NRG1: variants seen among roughly 807,000 people sequenced by gnomAD.
The protein encoded by NRG1 is pro-neuregulin-1, membrane-bound isoform.
A neutral mutation model predicts 63.8 loss-of-function variants in NRG1; 18 were observed. The observed-to-expected ratio is 0.28, with a 90% CI of 0.19 to 0.42. NRG1 has a LOEUF of 0.42. Among genes scored for constraint, NRG1 ranks in the 10% least tolerant of loss-of-function variants. The probability of loss-of-function intolerance (pLI) is 1.00; values close to 1 mark genes in which losing one functional copy is unlikely to be tolerated. For missense variants in NRG1, 762 were observed against 814.7 expected, an observed-to-expected ratio of 0.94 and a Z score of 0.79; for synonymous variants, 302 against 301.3, an observed-to-expected ratio of 1.00 and a Z score of -0.02.
intron 11 of NRG1, 92 bp from the exon 12 acceptor site, chr8:32,763,656 T>G: frequency 1.9e-5 from 24 of 1,277,414 alleles, no homozygotes; most frequent in Non-Finnish European, 2.5e-5. Flanking sequence ...TGTTCTCTGA[T>G]GATATAATAC....
chr8:31,754,627 A>T (rs931518682), intron 1 of NRG1, among the ~76,000 whole-genome samples: 1 of 151,998 alleles, frequency 6.6e-6, no homozygotes, highest in African/African-American at 2.4e-5. Flanking sequence ...GATGCTGCTG[A>T]TGTTTGGATA....
At chr8:32,469,948 C>A (rs1823576520) in intron 1 of NRG1, among the ~76,000 whole-genome samples, 1 of 152,044 alleles carries the variant, frequency 6.6e-6, no homozygotes, top group Non-Finnish European at 1.5e-5. Context: ...AGCTCCGTCT[C>A]CCTGGTTCAA....
At chr8:32,194,774 G>T (rs993898250) in intron 1 of NRG1, among the ~76,000 whole-genome samples, 1 of 152,084 alleles carries the variant, frequency 6.6e-6, no homozygotes, top group African/African-American at 2.4e-5. Flanking sequence ...ATTTTAAAAA[G>T]AAGTCTTTCC....
At chr8:31,899,116 T>G (rs1467997761) in intron 1 of NRG1, among the ~76,000 whole-genome samples, 1 of 151,998 alleles carries the variant, frequency 6.6e-6, no homozygotes, top group Non-Finnish European at 1.5e-5. Context: ...TTCCTTTTTT[T>G]TTTTTGAGGC....
At chr8:31,794,709 T>C (rs1366019363) in intron 1 of NRG1, among the ~76,000 whole-genome samples, 1 of 152,050 alleles carries the variant, frequency 6.6e-6, no homozygotes, top group African/African-American at 2.4e-5. Context: ...GGTTGTGTCA[T>C]TTATGTAAAT....
intron 1 of NRG1, among the ~76,000 whole-genome samples, chr8:31,769,253 A>G (rs1310810623): frequency 6.6e-6 from 1 of 152,140 alleles, no homozygotes; most frequent in Non-Finnish European, 1.5e-5. Context: ...TTCTTTTAGT[A>G]TCTTTGACCT....
chr8:31,927,439 C>CTT lies in NRG1; in HGVS notation c.37+288034_37+288035dup, dbSNP rs71539998. On this transcript the variant is annotated intron_variant, in intron 1 of 10. Coordinates refer to the NRG1 transcript ENST00000519301. ...CTGTACAATGAAACAGAGAAAACTA[C>CTT]TTTTTTTTTTTTTTTTTTTTTTTTT... Among the ~76,000 whole-genome samples the CTT allele has an allele frequency of 3.9e-3, 264 of 68,076 alleles. 26 individuals are homozygous for CTT. Among genetic ancestry groups the CTT allele is most frequent in the African/African-American group, 0.015 (250 of 17,222 alleles). The allele number at this position is 68,076 out of a possible 152,430, so 44.7% of individuals were successfully genotyped here. A position where few individuals can be genotyped will look rare whatever the true frequency, so the allele number is the denominator to read the frequency against.
rs942031419 is a variant in NRG1 at position 31,893,612 on chromosome 8, A to G, written c.37+254181A>G. Among the ~76,000 whole-genome samples the G allele has an allele frequency of 2.6e-5, 4 of 151,938 alleles. No homozygotes were observed. In the East Asian group the frequency reaches 5.8e-4, roughly 22 times the overall value. Reference sequence around the variant, plus strand: ...AGAGAAAACAAGACAAAAGCCATATATGTAGATAATTCATCAAATGGAAAA... The same window carrying G: ...AGAGAAAACAAGACAAAAGCCATATGTGTAGATAATTCATCAAATGGAAAA... On this transcript the variant is annotated intron_variant, in intron 1 of 10. Transcript: ENST00000519301.
chr8:32,053,990 A>G (rs1438045018), intron 1 of NRG1, among the ~76,000 whole-genome samples: 2 of 152,220 alleles, frequency 1.3e-5, no homozygotes, highest in Admixed American at 1.3e-4. Flanking sequence ...AAATAAATGA[A>G]TGAAAAAATA....
At chr8:32,714,871 G>A (rs1277926007) in intron 5 of NRG1, among the ~76,000 whole-genome samples, 1 of 152,192 alleles carries the variant, frequency 6.6e-6, no homozygotes, top group African/African-American at 2.4e-5. Context: ...AGCTCCCCAA[G>A]CATGAGCTTC....
chr8:31,852,126 T>C (rs1827300511), intron 1 of NRG1, among the ~76,000 whole-genome samples: 2 of 152,070 alleles, frequency 1.3e-5, no homozygotes, highest in African/African-American at 4.8e-5. Flanking sequence ...ATATACCCAG[T>C]AATGGGATGG....
chr8:32,315,548 C>T (rs916701540), intron 1 of NRG1, among the ~76,000 whole-genome samples: 3 of 152,214 alleles, frequency 2.0e-5, no homozygotes, highest in African/African-American at 7.2e-5. Context: ...TATGCACACT[C>T]ACCGAACTTT....
intron 1 of NRG1, among the ~76,000 whole-genome samples, chr8:31,766,236 A>G (rs1818041896): frequency 1.3e-5 from 2 of 152,140 alleles, no homozygotes; most frequent in Admixed American, 6.5e-5. Context: ...ATAACTTAGT[A>G]TTTACATGGG....
chr8:31,921,682 T>A (rs1166718696), intron 1 of NRG1, among the ~76,000 whole-genome samples: 5 of 152,176 alleles, frequency 3.3e-5, no homozygotes, highest in Non-Finnish European at 5.9e-5. Context: ...GACTTGGTCA[T>A]TAGTTCATTT....
chr8:31,725,223 G>A (rs1813306760), intron 1 of NRG1, among the ~76,000 whole-genome samples: 1 of 152,206 alleles, frequency 6.6e-6, no homozygotes, highest in Non-Finnish European at 1.5e-5. Context: ...AAGTATAAAG[G>A]GATTAGGATA....
intron 1 of NRG1, among the ~76,000 whole-genome samples, chr8:32,012,698 A>G (rs544004175): frequency 3.3e-5 from 5 of 152,236 alleles, no homozygotes; most frequent in Admixed American, 6.5e-5. Context: ...AAATTGGACT[A>G]AAAAAGAACC....
chr8:32,015,887 A>G (rs948010215), intron 1 of NRG1, among the ~76,000 whole-genome samples: 1 of 150,660 alleles, frequency 6.6e-6, no homozygotes, highest in Non-Finnish European at 1.5e-5. Context: ...TTTTGAATAT[A>G]TCAGTCAATT....
intron 1 of NRG1, among the ~76,000 whole-genome samples, chr8:32,285,930 C>T (rs1372113070): frequency 6.6e-6 from 1 of 152,074 alleles, no homozygotes; most frequent in Admixed American, 6.6e-5. Flanking sequence ...CTCAATTGAG[C>T]CATAAGATCT....
chr8:31,797,877 A>G (rs1342758170), intron 1 of NRG1, among the ~76,000 whole-genome samples: 2 of 152,250 alleles, frequency 1.3e-5, no homozygotes, highest in Admixed American at 1.3e-4. Flanking sequence ...TCTGTCATTC[A>G]CAGCAATATG....
Sources: gnomAD v4.1 joint callset for allele counts (sites outside exome capture counted in the v4.1 genomes callset) on GRCh38, gnomAD v4.1.1 for gene constraint, MANE v1.5 for transcripts, NCBI Gene and HGNC (gene_info 2026-07-23, HGNC 2026-07-21) for gene names.